ATXN3: variants seen among roughly 807,000 people sequenced by gnomAD.
The protein encoded by ATXN3 is ataxin-3.
Under a neutral mutation model 58.2 loss-of-function variants are expected in ATXN3, and 28 were observed. The ratio of observed to expected loss-of-function variants is 0.48; its 90% CI spans 0.36 to 0.66. The LOEUF (loss-of-function observed/expected upper bound fraction) is 0.66, where lower values mean the gene tolerates loss of function less well. Among genes scored for constraint, ATXN3 ranks in the 30% least tolerant of loss-of-function variants. The pLI is 0.00. For synonymous variants in ATXN3, 113 were observed against 138.5 expected (o/e 0.82, Z 1.29); for missense variants, 321 against 422.1 (o/e 0.76, Z 2.10).
upstream of ATXN3, chr14:92,050,588 A>G (rs1458289846): frequency 1.3e-5 from 2 of 152,288 alleles, no homozygotes; most frequent in African/African-American, 4.8e-5. Context: ...TATCAGCTGC[A>G]AGCTGGTTTC....
chr14:92,075,521 T>A (rs975789872), intron 9 of ATXN3, among the ~76,000 whole-genome samples: 1 of 152,174 alleles, frequency 6.6e-6, no homozygotes, highest in African/African-American at 2.4e-5. Flanking sequence ...ATTTATGCAA[T>A]TACTTTATGA....
downstream of ATXN3, among the ~76,000 whole-genome samples, chr14:92,055,535 G>T (rs975498805): frequency 6.6e-6 from 1 of 152,028 alleles, no homozygotes; most frequent in African/African-American, 2.4e-5. The surrounding 1 kb of genome is among the most constrained non-coding windows in gnomAD (Gnocchi z 4.5). Flanking sequence ...CCATCCCCCG[G>T]CAACCACCAT....
chr14:92,081,129 GT>G, intron 8 of ATXN3, 68 bp from the exon 9 acceptor site: 1 of 1,087,344 alleles, frequency 9.2e-7, no homozygotes, highest in Non-Finnish European at 1.4e-6. Flanking sequence ...CAATATGTTT[GT>G]TTATACTCAT....
chr14:92,055,794 C>G (rs977796536), downstream of ATXN3, among the ~76,000 whole-genome samples: 1 of 152,280 alleles, frequency 6.6e-6, no homozygotes, highest in African/African-American at 2.4e-5. The surrounding 1 kb of genome is among the most constrained non-coding windows in gnomAD (Gnocchi z 4.5). Context: ...AACTGCGTCT[C>G]TACTAAAAAT....
Position 92,096,854 on chromosome 14 carries a change from G to C in ATXN3, c.25-16C>G, listed in dbSNP as rs73325756. On this transcript the variant is annotated splice_polypyrimidine_tract_variant and intron_variant, in intron 1 of 10. Transcript: ENST00000644486. ...AGCCTTCTTGCTAATATTTCCAAAA[G>C]AAAAAATTAAAATGTGACTTGTTAA... 8.6e-4 allele frequency: 1,378 copies of C among 1,601,584 alleles called. 8 individuals carry two copies. The African/African-American group carries it at 0.016, about 18-fold the overall frequency.
At chr14:92,094,302 A>G (rs2064659235) in intron 3 of ATXN3, among the ~76,000 whole-genome samples, 1 of 152,224 alleles carries the variant, frequency 6.6e-6, no homozygotes, top group Admixed American at 6.5e-5. Context: ...AAAAAAACAC[A>G]TATATATTAG....
chr14:92,098,588 CAAAAAT>C (rs896850329), intron 1 of ATXN3, among the ~76,000 whole-genome samples: 1 of 151,674 alleles, frequency 6.6e-6, no homozygotes, highest in Non-Finnish European at 1.5e-5. Context: ...ACTCTGTCTC[CAAAAAT>C]AAAAATAAAA....
chr14:92,096,640 A>C (rs1566976913), intron 2 of ATXN3, 34 bp downstream of exon 2: 15 of 1,570,386 alleles, frequency 9.6e-6, no homozygotes, highest in Non-Finnish European at 1.3e-5. Flanking sequence ...AAAAAAAAAA[A>C]AGAAATGTGA....
At chr14:92,104,016 A>T (rs1228132235) in intron 1 of ATXN3, among the ~76,000 whole-genome samples, 3 of 152,236 alleles carry the variant, frequency 2.0e-5, no homozygotes, top group African/African-American at 7.2e-5. Flanking sequence ...ACTCTTGAGG[A>T]CGCCCAAAAA....
chr14:92,049,533 CAGGGAGATTGAAGGGTAGCGAGAG>C (rs1210210588), intron 1 of ATXN3: 1 of 154,478 alleles, frequency 6.5e-6, no homozygotes, highest in Non-Finnish European at 1.4e-5. Context: ...ATTGGAAGGA[CAGGGAGATTGAAGGGTAGCGAGAG>C]AGGGAGATTG....
At chr14:92,106,306 C>T (rs1458485528) in intron 1 of ATXN3, among the ~76,000 whole-genome samples, 1 of 151,890 alleles carries the variant, frequency 6.6e-6, no homozygotes, top group South Asian at 2.1e-4. Context: ...CCCGCCCATA[C>T]TCCCTCCCGG....
At chr14:92,056,842 A>C (rs1222954467), downstream of ATXN3, among the ~76,000 whole-genome samples, 1 of 152,206 alleles carries the variant, frequency 6.6e-6, no homozygotes, top group African/African-American at 2.4e-5. Flanking sequence ...AAATGAGGCC[A>C]AGACCTACTA....
At chr14:92,081,465 CAAAA>C (rs58398762) in intron 8 of ATXN3, among the ~76,000 whole-genome samples, 429 of 82,936 alleles carry the variant, frequency 5.2e-3, no homozygotes, top group Non-Finnish European at 8.6e-3. Context: ...GACTCTGACT[CAAAA>C]AAAAAAAAAA....
intron 6 of ATXN3, among the ~76,000 whole-genome samples, chr14:92,086,634 G>A (rs1293251367): frequency 6.6e-6 from 1 of 151,784 alleles, no homozygotes; most frequent in Admixed American, 6.6e-5. Context: ...TCGGGAGGTT[G>A]AGGCAGGAGA....
In ATXN3 at chr14:92,062,841, G is replaced by A. The variant is rs547111329; in HGVS notation, c.*1479C>T. ...CAAAAAACTTTCCCTGATAAAATGT[G>A]TGCAGCCACACACCAGGAGGGCAAT... On this transcript the variant is annotated 3_prime_UTR_variant, in exon 11 of 11. Coordinates refer to ENST00000644486, the MANE Select transcript of ATXN3 (RefSeq NM_004993.6). The A allele has an allele frequency of 4.6e-5, 7 of 152,644 alleles. No individual in the cohort carries two copies. The highest frequency in any genetic ancestry group is 2.6e-4 in the Admixed American group (4 of 15,278). The allele number at this position is 152,644 out of a possible 1,614,324, so 9.5% of individuals were successfully genotyped here. A position where few individuals can be genotyped will look rare whatever the true frequency, so the allele number is the denominator to read the frequency against.
chr14:92,052,747 C>T (rs1265211424), upstream of ATXN3, among the ~76,000 whole-genome samples: 2 of 152,166 alleles, frequency 1.3e-5, no homozygotes, highest in African/African-American at 4.8e-5. Flanking sequence ...GCCCAGAGAG[C>T]TGAAATGCAA....
chr14:92,057,288 C>T (rs531861810), downstream of ATXN3, among the ~76,000 whole-genome samples: 6 of 152,174 alleles, frequency 3.9e-5, no homozygotes, highest in South Asian at 4.1e-4. Context: ...TGGTGGTGCA[C>T]GCCTGTAGTC....
intron 6 of ATXN3, among the ~76,000 whole-genome samples, chr14:92,085,564 C>G (rs2062269635): frequency 6.6e-6 from 1 of 152,090 alleles, no homozygotes; most frequent in Middle Eastern, 3.2e-3. Flanking sequence ...CATAACAGGC[C>G]TTACACTGGT....
At chr14:92,081,689 A>G (rs948446265) in intron 8 of ATXN3, among the ~76,000 whole-genome samples, 10 of 152,112 alleles carry the variant, frequency 6.6e-5, no homozygotes, top group African/African-American at 2.4e-4. Context: ...ATCAACTGAT[A>G]AATAATTTCA....
Sources: gnomAD v4.1 joint callset for allele counts (sites outside exome capture counted in the v4.1 genomes callset) on GRCh38, gnomAD v4.1.1 for gene constraint, Gnocchi (gnomAD v3.1) non-coding constraint, MANE v1.5 for transcripts, NCBI Gene and HGNC (gene_info 2026-07-23, HGNC 2026-07-21) for gene names.